RAPGEF2: variants seen among roughly 807,000 people sequenced by gnomAD.
The protein encoded by RAPGEF2 is Rap guanine nucleotide exchange factor 2.
RAPGEF2 carries 54 observed loss-of-function variants against 186.7 expected under a neutral mutation model. The observed-to-expected ratio is 0.29, with a 90% CI of 0.23 to 0.36. RAPGEF2 has a LOEUF of 0.36. RAPGEF2 is among the 10% of genes least tolerant of loss of function. RAPGEF2 has a pLI of 1.00. For missense variants in RAPGEF2, 1,532 were observed against 2,045.0 expected (o/e 0.75, Z 4.84); for synonymous variants, 712 against 705.9 (o/e 1.01, Z -0.14).
intron 7 of RAPGEF2, chr4:159,268,044 C>T (rs1757639776): frequency 2.7e-6 from 4 of 1,460,362 alleles, no homozygotes; most frequent in Admixed American, 2.6e-5. Context: ...GTTTTCCCTC[C>T]TCCCTTTTTT....
chr4:159,216,608 G>A (rs1487633801), intron 4 of RAPGEF2, among the ~76,000 whole-genome samples: 2 of 152,076 alleles, frequency 1.3e-5, no homozygotes, highest in Non-Finnish European at 2.9e-5. Flanking sequence ...GAGTGAAATA[G>A]TTACAGAAGC....
chr4:159,239,046 TGA>T (rs148412850), intron 5 of RAPGEF2, among the ~76,000 whole-genome samples, 162 bp downstream of exon 5: 7,500 of 152,228 alleles, frequency 0.049, 625 homozygotes, highest in African/African-American at 0.17. Context: ...AATATGAATT[TGA>T]GTTCATAATC....
chr4:159,225,045 G>A (rs72965982), intron 4 of RAPGEF2, among the ~76,000 whole-genome samples: 26,370 of 152,128 alleles, frequency 0.17, 2,423 homozygotes, highest in Admixed American at 0.22. Context: ...TTTTAGGCAT[G>A]TTTAATTAAT....
At chr4:159,226,493 G>A (rs1752045299) in intron 4 of RAPGEF2, among the ~76,000 whole-genome samples, 1 of 152,028 alleles carries the variant, frequency 6.6e-6, no homozygotes, top group African/African-American at 2.4e-5. Context: ...TTTTAAACCA[G>A]GTTATCAGTG....
intron 4 of RAPGEF2, among the ~76,000 whole-genome samples, chr4:159,217,586 T>G (rs973133269): frequency 6.6e-6 from 1 of 152,236 alleles, no homozygotes; most frequent in Non-Finnish European, 1.5e-5. Flanking sequence ...ATTCCATGTC[T>G]TTGCTATGGT....
intron 7 of RAPGEF2, chr4:159,267,142 G>A: frequency 7.9e-7 from 1 of 1,269,078 alleles, no homozygotes; most frequent in South Asian, 1.3e-5. Flanking sequence ...TTGAGTGTGA[G>A]CCTTGCAGGT....
intron 1 of RAPGEF2, among the ~76,000 whole-genome samples, chr4:159,137,941 T>C (rs1741901987): frequency 6.6e-6 from 1 of 152,208 alleles, no homozygotes; most frequent in South Asian, 2.1e-4. Flanking sequence ...ATGTGCTAGC[T>C]AGGGTTTTTA....
chr4:159,322,133 TC>T (rs1765310029), intron 9 of RAPGEF2, among the ~76,000 whole-genome samples: 1 of 152,218 alleles, frequency 6.6e-6, no homozygotes, highest in Admixed American at 6.5e-5. Flanking sequence ...AACTGTTGCC[TC>T]TAATTCAACA....
At chr4:159,226,110 T>TA (rs775528634) in intron 4 of RAPGEF2, among the ~76,000 whole-genome samples, 4 of 152,174 alleles carry the variant, frequency 2.6e-5, no homozygotes, top group Non-Finnish European at 5.9e-5. Flanking sequence ...GTAATAGTTT[T>TA]ACTTCCTCCA....
At chr4:159,326,990 C>G (rs1013454160) in intron 11 of RAPGEF2, 7 of 152,162 alleles carry the variant, frequency 4.6e-5, no homozygotes, top group African/African-American at 1.2e-4. Flanking sequence ...TTAAATAGAT[C>G]TCACCTGTTA....
intron 9 of RAPGEF2, 128 bp downstream of exon 9, chr4:159,314,896 A>T (rs1764366312): frequency 1.1e-6 from 1 of 907,812 alleles, no homozygotes; most frequent in South Asian, 2.4e-5. Flanking sequence ...CCTTTGTATA[A>T]ACAGTAGTAT....
At chr4:159,288,007 TGTTAG>T (rs780188194) in intron 7 of RAPGEF2, among the ~76,000 whole-genome samples, 2 of 152,234 alleles carry the variant, frequency 1.3e-5, no homozygotes, top group African/African-American at 2.4e-5. Context: ...ACAACTGTCT[TGTTAG>T]GTAGGCAGTA....
At chr4:159,351,971 A>C (rs1731245362) in intron 26 of RAPGEF2, among the ~76,000 whole-genome samples, 2 of 152,278 alleles carry the variant, frequency 1.3e-5, no homozygotes, top group South Asian at 4.1e-4. Context: ...AAATCAAGAT[A>C]GGCCCCTGCC....
intron 3 of RAPGEF2, among the ~76,000 whole-genome samples, chr4:159,205,823 A>G (rs1412137101): frequency 6.6e-6 from 1 of 152,114 alleles, no homozygotes; most frequent in African/African-American, 2.4e-5. Flanking sequence ...CCTCTTTTCA[A>G]GTTACCCAGT....
intron 1 of RAPGEF2, among the ~76,000 whole-genome samples, chr4:159,147,314 A>C (rs1458042874): frequency 6.6e-6 from 1 of 152,220 alleles, no homozygotes; most frequent in Non-Finnish European, 1.5e-5. Flanking sequence ...AAATGGTTTG[A>C]AGTGTATGAA....
At chr4:159,252,036 A>T (rs567950136) in intron 7 of RAPGEF2, among the ~76,000 whole-genome samples, 1 of 152,254 alleles carries the variant, frequency 6.6e-6, no homozygotes, top group South Asian at 2.1e-4. Flanking sequence ...CTGAAGGAAC[A>T]AACTCTGGAC....
At chr4:159,336,904 T>C (rs1449772858) in intron 17 of RAPGEF2, among the ~76,000 whole-genome samples, 1 of 152,348 alleles carries the variant, frequency 6.6e-6, no homozygotes, top group East Asian at 1.9e-4. Flanking sequence ...AATTTTCCTC[T>C]TATTTCAAGG....
chr4:159,343,531 T>C (rs1462905423), intron 22 of RAPGEF2, 127 bp downstream of exon 22: 2 of 1,239,642 alleles, frequency 1.6e-6, no homozygotes, highest in Non-Finnish European at 2.2e-6. Flanking sequence ...TAGTAGGATG[T>C]GCTGAGAATC....
chr4:159,122,203 G>A (rs921221946), intron 1 of RAPGEF2, among the ~76,000 whole-genome samples: 4 of 151,982 alleles, frequency 2.6e-5, no homozygotes, highest in Non-Finnish European at 2.9e-5. Context: ...AAATTTGGCT[G>A]GGCGTGGTGG....
Sources: allele counts gnomAD v4.1 joint callset (sites outside exome capture counted in the v4.1 genomes callset), GRCh38; gene constraint gnomAD v4.1.1; transcripts MANE v1.5; gene names NCBI Gene and HGNC (gene_info 2026-07-23, HGNC 2026-07-21).